Variants in SGMS1 observed in about 807,000 individuals in gnomAD.
SGMS1 encodes the protein phosphatidylcholine:ceramide cholinephosphotransferase 1.
SGMS1 carries 13 observed loss-of-function variants against 46.2 expected under a neutral mutation model. The observed-to-expected ratio is 0.28, with a 90% confidence interval of 0.18 to 0.45. The LOEUF (loss-of-function observed/expected upper bound fraction) is 0.45, where lower values mean the gene tolerates loss of function less well. SGMS1 is among the 20% of genes least tolerant of loss of function. The pLI, the probability that SGMS1 is intolerant of heterozygous loss-of-function variation, is 1.00. For synonymous variants in SGMS1, 203 were observed against 187.8 expected (o/e 1.08, Z -0.66); for missense variants, 324 against 519.9 (o/e 0.62, Z 3.66).
At chr10:50,403,148 C>T (rs985501976) in intron 6 of SGMS1, among the ~76,000 whole-genome samples, 13 of 151,922 alleles carry the variant, frequency 8.6e-5, no homozygotes, top group African/African-American at 3.1e-4. Context: ...TCTTAAAATC[C>T]GAAAAACATA....
At chr10:50,381,229 C>T (rs759283742) in intron 6 of SGMS1, among the ~76,000 whole-genome samples, 4 of 150,238 alleles carry the variant, frequency 2.7e-5, no homozygotes, top group Non-Finnish European at 4.4e-5. Context: ...GCCTGAGTCC[C>T]ATGGTATATG....
intron 2 of SGMS1, among the ~76,000 whole-genome samples, chr10:50,570,332 T>A (rs1838326254): frequency 6.6e-6 from 1 of 152,324 alleles, no homozygotes; most frequent in African/African-American, 2.4e-5. Flanking sequence ...GTAAATCCAT[T>A]ATTAATCCTC....
chr10:50,346,850 C>T (rs556706846), intron 6 of SGMS1, among the ~76,000 whole-genome samples: 11 of 151,436 alleles, frequency 7.3e-5, no homozygotes, highest in African/African-American at 2.7e-4. Flanking sequence ...CAGGTGCATG[C>T]CACTGTATCT....
chr10:50,351,354 T>G (rs1848009033), intron 6 of SGMS1, among the ~76,000 whole-genome samples: 1 of 152,220 alleles, frequency 6.6e-6, no homozygotes, highest in African/African-American at 2.4e-5. Context: ...CTTTGGACTG[T>G]GGACTTTTGG....
chr10:50,437,332 A>G (rs1849487380), intron 5 of SGMS1, among the ~76,000 whole-genome samples: 2 of 152,230 alleles, frequency 1.3e-5, no homozygotes, highest in South Asian at 4.1e-4. Flanking sequence ...TGGAAGCAAA[A>G]TGAGAGTGGC....
intron 6 of SGMS1, among the ~76,000 whole-genome samples, chr10:50,368,059 T>C (rs1848376480): frequency 6.6e-6 from 1 of 152,218 alleles, no homozygotes. Flanking sequence ...GACAAAACTA[T>C]GTAATGGAAT....
chr10:50,391,308 T>C (rs1452132321), intron 6 of SGMS1, among the ~76,000 whole-genome samples: 2 of 152,230 alleles, frequency 1.3e-5, no homozygotes, highest in African/African-American at 4.8e-5. Context: ...ATACTTTTCC[T>C]TACTTGCAGT....
intron 8 of SGMS1, among the ~76,000 whole-genome samples, chr10:50,312,107 G>T (rs1227083950): frequency 1.3e-5 from 2 of 152,024 alleles, no homozygotes; most frequent in East Asian, 3.9e-4. Context: ...ATGTGTAACT[G>T]TCTATATTTT....
intron 7 of SGMS1, chr10:50,336,001 A>T (rs1395863702): frequency 6.6e-6 from 1 of 152,172 alleles, no homozygotes; most frequent in Admixed American, 6.5e-5. Context: ...TAAAATTGTA[A>T]ATTAGAAAAG....
intron 1 of SGMS1, among the ~76,000 whole-genome samples, chr10:50,617,106 T>C (rs1163502705): frequency 1.3e-5 from 2 of 152,160 alleles, no homozygotes; most frequent in African/African-American, 4.8e-5. Context: ...AGATGATTGG[T>C]ATCAGTATGT....
intron 2 of SGMS1, among the ~76,000 whole-genome samples, chr10:50,580,680 T>C (rs1838425054): frequency 6.6e-6 from 1 of 151,824 alleles, no homozygotes; most frequent in African/African-American, 2.4e-5. Context: ...TCACTTGGAG[T>C]TCCACCTAGA....
chr10:50,615,257 C>A (rs1434232888), intron 1 of SGMS1, among the ~76,000 whole-genome samples: 2 of 152,178 alleles, frequency 1.3e-5, no homozygotes, highest in Non-Finnish European at 2.9e-5. Context: ...TCTTTCCGGA[C>A]AAAAGCCATC....
chr10:50,593,537 C>T (rs1224451106), intron 1 of SGMS1, among the ~76,000 whole-genome samples: 5 of 150,630 alleles, frequency 3.3e-5, no homozygotes, highest in Admixed American at 2.0e-4. Context: ...GTGTGTCTTT[C>T]CTGATTGCAT....
chr10:50,527,794 A>G (rs1837917283), intron 2 of SGMS1, among the ~76,000 whole-genome samples: 1 of 152,206 alleles, frequency 6.6e-6, no homozygotes, highest in African/African-American at 2.4e-5. Flanking sequence ...TTGAAGAGCC[A>G]TCTTCTCAGT....
At chr10:50,355,988 C>G (rs1366821824) in intron 6 of SGMS1, among the ~76,000 whole-genome samples, 2 of 152,112 alleles carry the variant, frequency 1.3e-5, no homozygotes, top group Non-Finnish European at 2.9e-5. Flanking sequence ...TGAGGAGCCC[C>G]TCCGCTCGGC....
At chr10:50,505,157 A>G (rs1035198860) in intron 3 of SGMS1, among the ~76,000 whole-genome samples, 1 of 152,186 alleles carries the variant, frequency 6.6e-6, no homozygotes, top group Non-Finnish European at 1.5e-5. Context: ...TAGAGGCTGA[A>G]GTGTGCTATG....
intron 5 of SGMS1, among the ~76,000 whole-genome samples, chr10:50,444,859 A>G (rs1312463065): frequency 6.6e-6 from 1 of 152,192 alleles, no homozygotes; most frequent in Non-Finnish European, 1.5e-5. Flanking sequence ...AAGAAAAACT[A>G]GCTAGTTGGA....
intron 6 of SGMS1, among the ~76,000 whole-genome samples, chr10:50,389,690 A>C (rs1848735860): frequency 6.6e-6 from 1 of 152,210 alleles, no homozygotes; most frequent in Non-Finnish European, 1.5e-5. Context: ...CCATTTATGA[A>C]AAGGTTCTTT....
At chr10:50,407,809 G>T (rs928604567) in intron 6 of SGMS1, among the ~76,000 whole-genome samples, 1 of 152,110 alleles carries the variant, frequency 6.6e-6, no homozygotes, top group African/African-American at 2.4e-5. Flanking sequence ...TGGCCTAAAA[G>T]AGCCAGTTAA....
Sources: gnomAD v4.1 joint callset for allele counts (sites outside exome capture counted in the v4.1 genomes callset) on GRCh38, gnomAD v4.1.1 for gene constraint, MANE v1.5 for transcripts, NCBI Gene and HGNC (gene_info 2026-07-23, HGNC 2026-07-21) for gene names.